The following TFEC variants were observed in gnomAD, a reference collection of about 807,000 sequenced individuals.
TFEC encodes the protein class E basic helix-loop-helix protein 34.
A neutral mutation model predicts 41.6 loss-of-function variants in TFEC; 31 were observed. The observed-to-expected ratio is 0.74, with a 90% CI of 0.56 to 1.01. TFEC has a LOEUF of 1.01. Among genes scored for constraint, TFEC ranks in the 50% least tolerant of loss-of-function variants. The pLI is 0.00. For synonymous variants in TFEC, 143 were observed against 140.6 expected (o/e 1.02, Z -0.12); for missense variants, 402 against 404.1 (o/e 0.99, Z 0.04).
chr7:116,060,326 CAG>C (rs147716056), intron 3 of TFEC, among the ~76,000 whole-genome samples: 9,250 of 152,140 alleles, frequency 0.061, 341 homozygotes, highest in Middle Eastern at 0.1. Context: ...GGACTAAAAG[CAG>C]AACTACCATT....
chr7:116,072,446 A>G (rs1524468), intron 3 of TFEC, among the ~76,000 whole-genome samples: 2,911 of 151,806 alleles, frequency 0.019, 92 homozygotes, highest in African/African-American at 0.065. Flanking sequence ...ATTGTTTAAC[A>G]TGAGAAAATC....
At chr7:115,941,860 C>T (rs762922867) in intron 7 of TFEC, 33 bp downstream of exon 7, 41 of 1,610,184 alleles carry the variant, frequency 2.5e-5, no homozygotes, top group Non-Finnish European at 3.1e-5. Flanking sequence ...CATGTGTAAG[C>T]TATGTGACTC....
At chr7:116,074,490 A>G (rs1429072454) in intron 3 of TFEC, among the ~76,000 whole-genome samples, 1 of 152,194 alleles carries the variant, frequency 6.6e-6, no homozygotes, top group Admixed American at 6.5e-5. Flanking sequence ...GAAATAGCCA[A>G]TTAGCACATG....
chr7:116,112,280 T>C (rs1797872395), intron 1 of TFEC, among the ~76,000 whole-genome samples: 1 of 151,990 alleles, frequency 6.6e-6, no homozygotes, highest in Non-Finnish European at 1.5e-5. Flanking sequence ...TACAAAAGTA[T>C]GGTACTAACA....
At chr7:115,995,215 G>T in intron 1 of TFEC, among the ~76,000 whole-genome samples, 1 of 117,266 alleles carries the variant, frequency 8.5e-6, no homozygotes, top group African/African-American at 3.2e-5. Context: ...GGAGGGGGGA[G>T]GGATAGCATT....
At chr7:116,100,933 C>A (rs919941604) in intron 3 of TFEC, among the ~76,000 whole-genome samples, 1 of 151,858 alleles carries the variant, frequency 6.6e-6, no homozygotes, top group Non-Finnish European at 1.5e-5. Context: ...GATGGGAGGA[C>A]GGAAGCAAAT....
chr7:116,107,180 T>C (rs1313647400), intron 3 of TFEC, among the ~76,000 whole-genome samples: 1 of 152,178 alleles, frequency 6.6e-6, no homozygotes, highest in Non-Finnish European at 1.5e-5. Context: ...ACCTGTGTTA[T>C]AGCCACAAAT....
At chr7:116,092,841 T>A (rs1406085799) in intron 3 of TFEC, among the ~76,000 whole-genome samples, 1 of 152,122 alleles carries the variant, frequency 6.6e-6, no homozygotes, top group Non-Finnish European at 1.5e-5. Context: ...CCAGATTAGA[T>A]CTCTAATCCT....
intron 3 of TFEC, among the ~76,000 whole-genome samples, chr7:116,064,028 A>C (rs1354831595): frequency 6.6e-6 from 1 of 152,224 alleles, no homozygotes; most frequent in Admixed American, 6.5e-5. Flanking sequence ...GATCTAAAAA[A>C]ACTGAACTCA....
At chr7:116,146,494 T>C (rs1798644249) in intron 1 of TFEC, among the ~76,000 whole-genome samples, 1 of 152,180 alleles carries the variant, frequency 6.6e-6, no homozygotes, top group African/African-American at 2.4e-5. Context: ...ATCACAAGCC[T>C]CCATCTCAGG....
chr7:115,987,274 T>C (rs1280082958), intron 1 of TFEC, among the ~76,000 whole-genome samples: 2 of 152,072 alleles, frequency 1.3e-5, no homozygotes, highest in African/African-American at 4.8e-5. Context: ...TACTGTTCCC[T>C]AGAAAAAAAA....
chr7:116,042,279 C>T (rs1459678997), intron 3 of TFEC, among the ~76,000 whole-genome samples: 2 of 152,076 alleles, frequency 1.3e-5, no homozygotes, highest in African/African-American at 2.4e-5. Context: ...TATAATACAG[C>T]ATAAGCGTTA....
intron 3 of TFEC, among the ~76,000 whole-genome samples, chr7:116,109,887 A>C (rs1239762179): frequency 6.6e-6 from 1 of 152,194 alleles, no homozygotes; most frequent in African/African-American, 2.4e-5. Flanking sequence ...ATGGAATACT[A>C]TGCAGCCATA....
intron 1 of TFEC, among the ~76,000 whole-genome samples, chr7:116,116,225 G>T (rs1028818831): frequency 2.0e-5 from 3 of 151,896 alleles, no homozygotes; most frequent in African/African-American, 7.2e-5. Flanking sequence ...AATAAAAATG[G>T]TTAGGGAACT....
Position 115,950,888 on chromosome 7 carries a change from T to C in TFEC, c.501A>G (p.Pro167=), listed in dbSNP as rs755521245. ...GTTGAACTCACGGATCATTAGACTT[T>C]GGAATAAGAGTGCCAAGCTCCTTGA... ...YRIKELGTLI[P]KSNDPDMRWN... The change falls in exon 6 of 8, where the codon CCA becomes CCG. Residue 167 remains proline (P), a synonymous_variant. Transcript: ENST00000265440. 12 of 1,604,212 alleles carry C rather than the reference T, an allele frequency of 7.5e-6. No individual in the cohort carries two copies. In the East Asian group the frequency reaches 2.5e-4, roughly 33 times the overall value.
intron 3 of TFEC, among the ~76,000 whole-genome samples, chr7:116,071,686 A>T (rs930109266): frequency 6.6e-6 from 1 of 151,410 alleles, no homozygotes; most frequent in Non-Finnish European, 1.5e-5. Context: ...GAAATCCTGC[A>T]GTTGCCCTAT....
chr7:115,964,334 T>C (rs1355053787), intron 3 of TFEC, among the ~76,000 whole-genome samples: 1 of 151,586 alleles, frequency 6.6e-6, no homozygotes, highest in Non-Finnish European at 1.5e-5. Context: ...AAATATATCA[T>C]GCCATTTTGT....
At chr7:116,022,742 AAT>A (rs1795445562) in intron 1 of TFEC, among the ~76,000 whole-genome samples, 1 of 152,168 alleles carries the variant, frequency 6.6e-6, no homozygotes. Context: ...GTTTTGCTTT[AAT>A]TAATAGTTTT....
At chr7:115,970,903 A>G (rs918171603) in intron 3 of TFEC, among the ~76,000 whole-genome samples, 2 of 151,988 alleles carry the variant, frequency 1.3e-5, no homozygotes, top group African/African-American at 2.4e-5. Context: ...GAGGCAAATA[A>G]TCCCCTTTTC....
Sources: allele counts gnomAD v4.1 joint callset (sites outside exome capture counted in the v4.1 genomes callset), GRCh38; gene constraint gnomAD v4.1.1; transcripts MANE v1.5; gene names NCBI Gene and HGNC (gene_info 2026-07-23, HGNC 2026-07-21).